Variants in ATP7A observed in about 807,000 individuals in gnomAD.
ATP7A encodes the protein copper-transporting ATPase 1.
Under a neutral mutation model 83.5 loss-of-function variants are expected in ATP7A, and 7 were observed. The observed-to-expected ratio is 0.08, with a 90% CI of 0.05 to 0.16. ATP7A has a LOEUF of 0.16. Ranked by LOEUF, ATP7A falls within the 10% of genes least tolerant of loss-of-function variation. ATP7A has a pLI of 1.00. For synonymous variants in ATP7A, 354 were observed against 395.2 expected, an observed-to-expected ratio of 0.90 and a Z score of 1.24; for missense variants, 940 against 1,120.8, an observed-to-expected ratio of 0.84 and a Z score of 2.30.
intron 6 of ATP7A, among the ~76,000 whole-genome samples, chrX:78,006,967 A>G (rs1258215524): frequency 8.9e-6 from 1 of 112,299 alleles, no homozygotes; most frequent in Non-Finnish European, 1.9e-5. Flanking sequence ...TGCTGCTATG[A>G]ACATTCATAT....
At chrX:77,983,526 A>T (rs1307830718) in intron 2 of ATP7A, among the ~76,000 whole-genome samples, 1 of 112,019 alleles carries the variant, frequency 8.9e-6, no homozygotes, top group Non-Finnish European at 1.9e-5. Context: ...TCTCTGTGAC[A>T]GTCAGCACTC....
Position 77,988,228 on chromosome X carries a change from T to G in ATP7A, c.121-14T>G. The stretch of plus-strand genomic sequence containing the variant: ...AATTTAATTAAACTGACTTTTGGAA[T>G]TTCCTTCCAAAAGGTATCACTGGAA... On this transcript the variant is annotated splice_polypyrimidine_tract_variant and intron_variant, in intron 2 of 22. Coordinates refer to ENST00000341514, the MANE Select transcript of ATP7A (RefSeq NM_000052.7). The G allele has an allele frequency of 2.5e-6, 3 of 1,197,652 alleles. No homozygotes were observed. Among genetic ancestry groups the G allele is most frequent in the Non-Finnish European group, 3.4e-6 (3 of 889,014 alleles).
intron 2 of ATP7A, among the ~76,000 whole-genome samples, chrX:77,972,258 C>T (rs1232388820): frequency 1.8e-5 from 2 of 110,797 alleles, no homozygotes; most frequent in Non-Finnish European, 3.8e-5. Flanking sequence ...GTGGCAAAAT[C>T]ACAGCTCACT....
At chrX:77,961,241 C>G (rs1326687184) in intron 1 of ATP7A, among the ~76,000 whole-genome samples, 1 of 112,121 alleles carries the variant, frequency 8.9e-6, no homozygotes, top group Admixed American at 9.5e-5. Flanking sequence ...TCAATACTTA[C>G]TTCCTGGGTG....
intron 1 of ATP7A, among the ~76,000 whole-genome samples, chrX:77,931,626 G>C (rs782572154): frequency 1.9e-4 from 21 of 107,929 alleles, no homozygotes; most frequent in African/African-American, 7.1e-4. Context: ...GGACGGGGCG[G>C]CTGGCCGGGC....
chrX:77,954,200 C>T (rs1351800475), intron 1 of ATP7A, among the ~76,000 whole-genome samples: 2 of 111,574 alleles, frequency 1.8e-5, no homozygotes, highest in African/African-American at 6.5e-5. Context: ...GGTGCAGTGG[C>T]GTGATTTCAG....
chrX:77,966,785 ATTTCT>A (rs1485717906), intron 1 of ATP7A: 9 of 327,726 alleles, frequency 2.7e-5, no homozygotes, highest in Admixed American at 1.3e-4. Context: ...AATTTTTTTC[ATTTCT>A]TCTAAAAAAA....
At chrX:77,932,891 C>T (rs1455414816) in intron 1 of ATP7A, among the ~76,000 whole-genome samples, 3 of 109,521 alleles carry the variant, frequency 2.7e-5, no homozygotes, top group Admixed American at 9.6e-5. Flanking sequence ...AGAGGGAGAC[C>T]GTGGAAAGAG....
intron 1 of ATP7A, among the ~76,000 whole-genome samples, chrX:77,917,583 G>T (rs1273116640): frequency 3.6e-5 from 4 of 112,149 alleles, no homozygotes; most frequent in Non-Finnish European, 7.5e-5. Context: ...AAAGGAAAGA[G>T]AAATAAATAC....
At chrX:77,968,256 G>A (rs1386073651) in intron 1 of ATP7A, among the ~76,000 whole-genome samples, 15 of 111,594 alleles carry the variant, frequency 1.3e-4, no homozygotes, top group Admixed American at 1.3e-3. Flanking sequence ...TATTTCAACC[G>A]CCACAAGAAA....
At chrX:78,044,387 A>G (rs1557238837) in intron 21 of ATP7A, among the ~76,000 whole-genome samples, 2 of 111,795 alleles carry the variant, frequency 1.8e-5, no homozygotes. Flanking sequence ...CTTTCTGCAT[A>G]TATTTGCACA....
intron 11 of ATP7A, 33 bp from the exon 12 acceptor site, chrX:78,015,721 A>G (rs782297133): frequency 1.2e-5 from 15 of 1,209,858 alleles, no homozygotes; most frequent in Non-Finnish European, 1.6e-5. Flanking sequence ...GAAGCATATT[A>G]TCATGGTGCT....
rs781808615 is a variant in ATP7A at position 78,015,857 on chromosome X, A to G, written c.2602A>G (p.Met868Val). Reference sequence around the variant, plus strand: ...TGGTCGTGTTATTGAAGGACATTCTATGGTAGATGAGTCCCTCATCACAGG... The same window carrying G: ...TGGTCGTGTTATTGAAGGACATTCTGTGGTAGATGAGTCCCTCATCACAGG... ...VDGRVIEGHS[M>V]VDESLITGEA... Residue 868 changes from methionine to valine, a missense_variant, in exon 12 of 23, where the codon ATG becomes GTG. This residue lies in a region of ATP7A where 386 missense variants were observed against 502.2 expected (regional missense o/e 0.77). Coordinates refer to ENST00000341514, the MANE Select transcript of ATP7A (RefSeq NM_000052.7). 1.7e-6 allele frequency: 2 copies of G among 1,211,905 alleles called. No homozygotes were observed. Among genetic ancestry groups the G allele is most frequent in the Non-Finnish European group, 2.2e-6 (2 of 895,381 alleles).
At chrX:78,000,610 TATA>T (rs1273799878) in intron 5 of ATP7A, among the ~76,000 whole-genome samples, 1 of 107,254 alleles carries the variant, frequency 9.3e-6, no homozygotes, top group Non-Finnish European at 1.9e-5. Flanking sequence ...ATATATATTT[TATA>T]ATATATGTTA....
chrX:77,924,611 T>A (rs1464966421), intron 1 of ATP7A: 1 of 112,230 alleles, frequency 8.9e-6, no homozygotes, highest in East Asian at 2.8e-4. Context: ...CAGTACATAA[T>A]TTTTCATCCT....
chrX:77,932,371 A>G (rs1380707500), intron 1 of ATP7A, among the ~76,000 whole-genome samples: 2 of 101,075 alleles, frequency 2.0e-5, no homozygotes, highest in East Asian at 3.3e-4. Flanking sequence ...GGCGCTCCTC[A>G]CTTCCTAGAT....
chrX:78,013,124 A>C lies in ATP7A; in HGVS notation c.2406+12A>C, dbSNP rs1557234762. 8.4e-7 allele frequency: 1 copy of C among 1,184,394 alleles called. No individual in the cohort carries two copies. The highest frequency in any genetic ancestry group is 2.2e-5 in the Admixed American group (1 of 45,987). On this transcript the variant is annotated intron_variant, in intron 10 of 22. Transcript: ENST00000341514. ...AACATATAGCAAAGGTAAAGTAAGAAAGGGTGACATTTGTTAAAATGTTGG... is the reference window on the plus strand; with the variant it reads ...AACATATAGCAAAGGTAAAGTAAGACAGGGTGACATTTGTTAAAATGTTGG...
In ATP7A at chrX:78,003,131, T is replaced by C. The variant is rs1056057247; in HGVS notation, c.1602T>C (p.Pro534=). The C allele has an allele frequency of 1.9e-5, 23 of 1,207,222 alleles. No homozygotes were observed. Among genetic ancestry groups the C allele is most frequent in the Non-Finnish European group, 2.5e-5 (22 of 892,810 alleles). The change falls in exon 6 of 23, where the codon CCT becomes CCC. Residue 534 remains proline (P), a synonymous_variant. Transcript: ENST00000341514. The stretch of plus-strand genomic sequence containing the variant: ...GCAAGGCAGAAGTAAGGTATAATCC[T>C]GCTGTTATACAACCCCCAATGATAG... ...MAGKAEVRYN[P]AVIQPPMIAE... is the part of the protein sequence containing the mutation.
At chrX:78,040,828 C>T in intron 19 of ATP7A, 95 bp downstream of exon 19, 31 of 1,028,313 alleles carry the variant, frequency 3.0e-5, no homozygotes, top group Non-Finnish European at 4.2e-5. Context: ...CTACTATTTT[C>T]ATTATCACTG....
Sources: gnomAD v4.1 joint callset for allele counts (sites outside exome capture counted in the v4.1 genomes callset) on GRCh38, gnomAD v4.1.1 for gene constraint, gnomAD v4.1.1 regional missense constraint, MANE v1.5 for transcripts, NCBI Gene and HGNC (gene_info 2026-07-23, HGNC 2026-07-21) for gene names.